TMC2: variants seen among roughly 807,000 people sequenced by gnomAD.
The protein encoded by TMC2 is transmembrane channel-like protein 2.
Under a neutral mutation model 105.9 loss-of-function variants are expected in TMC2, and 102 were observed. The observed-to-expected ratio is 0.96, with a 90% CI of 0.82 to 1.14. The LOEUF (loss-of-function observed/expected upper bound fraction) is 1.14. TMC2 is among the 50% of genes most tolerant of loss of function. TMC2 has a pLI of 0.00. For synonymous variants in TMC2, 402 were observed against 422.8 expected (o/e 0.95, Z 0.60); for missense variants, 1,093 against 1,134.3 (o/e 0.96, Z 0.52).
chr20:2,631,467 T>C (rs2086602525), intron 17 of TMC2, among the ~76,000 whole-genome samples: 1 of 152,250 alleles, frequency 6.6e-6, no homozygotes, highest in Admixed American at 6.5e-5. Context: ...AGTGATTACT[T>C]CTCTTGGTTT....
At chr20:2,609,052 G>T (rs1284534808) in intron 11 of TMC2, among the ~76,000 whole-genome samples, 2 of 152,308 alleles carry the variant, frequency 1.3e-5, no homozygotes, top group South Asian at 4.1e-4. Context: ...ACTATGGCAG[G>T]GTAGGCATCC....
At chr20:2,639,057 G>A (rs1256019335) in intron 19 of TMC2, among the ~76,000 whole-genome samples, 1 of 152,066 alleles carries the variant, frequency 6.6e-6, no homozygotes, top group African/African-American at 2.4e-5. Flanking sequence ...CACCATGCCT[G>A]GCTAATTTTT....
Position 2,595,725 on chromosome 20 carries a change from C to G in TMC2, c.1076+758C>G, listed in dbSNP as rs1199935930. Among the ~76,000 whole-genome samples, 5 of 150,436 alleles carry G rather than the reference C, an allele frequency of 3.3e-5. No individual in the cohort carries two copies. In the South Asian group the frequency reaches 8.5e-4, roughly 26 times the overall value. On this transcript the variant is annotated intron_variant, in intron 9 of 19. Transcript: ENST00000358864. ...AAACCTATCCACCTGGGCCCACTCT[C>G]CCTTCAGCACAGACATGAGGGGTCA...
intron 2 of TMC2, among the ~76,000 whole-genome samples, chr20:2,550,275 G>C (rs1301499959): frequency 6.6e-6 from 1 of 152,096 alleles, no homozygotes; most frequent in African/African-American, 2.4e-5. Flanking sequence ...CTTGAGCGTG[G>C]GAGGCAGAGG....
chr20:2,639,137 C>T lies in TMC2; in HGVS notation c.2503+1546C>T, dbSNP rs530864112. Among the ~76,000 whole-genome samples, 103 of 152,276 alleles carry T rather than the reference C, an allele frequency of 6.8e-4. 1 individual carries two copies. Among genetic ancestry groups the T allele is most frequent in the African/African-American group, 2.2e-3 (90 of 41,558 alleles). On this transcript the variant is annotated intron_variant, in intron 19 of 19. Transcript: ENST00000358864. ...TTCTTGAACTCCTGACCTCGTGATCCGCCCGCCTCGGCCTCCCAAAGTGCT... is the reference window on the plus strand; with the variant it reads ...TTCTTGAACTCCTGACCTCGTGATCTGCCCGCCTCGGCCTCCCAAAGTGCT...
chr20:2,614,174 A>T (rs975616362), intron 14 of TMC2, among the ~76,000 whole-genome samples: 3 of 152,238 alleles, frequency 2.0e-5, no homozygotes, highest in African/African-American at 7.2e-5. Flanking sequence ...AAAGAGGATG[A>T]CATCTTTGAT....
intron 4 of TMC2, among the ~76,000 whole-genome samples, chr20:2,563,719 C>A (rs915733573): frequency 1.3e-5 from 2 of 152,106 alleles, no homozygotes; most frequent in Non-Finnish European, 2.9e-5. Flanking sequence ...AGCATGTACA[C>A]CATAAATATA....
Position 2,643,396 on chromosome 20 carries a change from T to C in TMC2, c.*2045T>C, listed in dbSNP as rs1268910310. 6.6e-6 allele frequency among the ~76,000 whole-genome samples: 1 copy of C among 152,200 alleles called. No individual in the cohort carries two copies. Among genetic ancestry groups the C allele is most frequent in the East Asian group, 1.9e-4 (1 of 5,200 alleles). ...CCTGCCTGAGCCATTGGTCCCCTAG[T>C]GATTACTGTCAGGCCTCCACTGGTT... On this transcript the variant is annotated 3_prime_UTR_variant, in exon 20 of 20. Transcript: ENST00000358864.
chr20:2,626,401 G>A (rs1275838590), intron 17 of TMC2, among the ~76,000 whole-genome samples: 4 of 152,086 alleles, frequency 2.6e-5, no homozygotes, highest in Non-Finnish European at 5.9e-5. Context: ...CAAGCTGCTT[G>A]GGCTTCCTCA....
chr20:2,575,042 C>T (rs2086133858), intron 5 of TMC2, among the ~76,000 whole-genome samples: 1 of 152,052 alleles, frequency 6.6e-6, no homozygotes, highest in African/African-American at 2.4e-5. Flanking sequence ...TTTCTTATTC[C>T]TAATATTATT....
chr20:2,560,190 A>G, intron 3 of TMC2, among the ~76,000 whole-genome samples: 1 of 152,102 alleles, frequency 6.6e-6, no homozygotes, highest in East Asian at 1.9e-4. Flanking sequence ...TGAATGTCCA[A>G]CACCCCAAAC....
At chr20:2,604,807 A>G (rs921476168) in intron 11 of TMC2, among the ~76,000 whole-genome samples, 2 of 152,232 alleles carry the variant, frequency 1.3e-5, no homozygotes, top group Non-Finnish European at 2.9e-5. Context: ...CCCAAAGGGC[A>G]GAGTTTGAAG....
intron 18 of TMC2, 138 bp from the exon 19 acceptor site, chr20:2,637,336 C>T (rs6138632): frequency 8.8e-5 from 50 of 565,314 alleles, no homozygotes; most frequent in Non-Finnish European, 1.5e-4. Flanking sequence ...TGCAGTGAGC[C>T]GAGTTCACGC....
chr20:2,633,488 C>G (rs2086618869), intron 17 of TMC2, among the ~76,000 whole-genome samples: 1 of 143,704 alleles, frequency 7.0e-6, no homozygotes, highest in Non-Finnish European at 1.5e-5. Context: ...AACTGTTATG[C>G]AACACTTCTC....
rs144780040 is a variant in TMC2, at chr20:2,538,108, G to A, written c.82+792G>A. ...GAGGGCCCTGTCCTGGCCCCACTCT[G>A]GCCAGTAGGGAGCTGGCCCCAGGAG... is the stretch of plus-strand genomic sequence containing the variant. On this transcript the variant is annotated intron_variant, in intron 2 of 19. Transcript: ENST00000358864. 2.7e-3 allele frequency among the ~76,000 whole-genome samples: 404 copies of A among 152,154 alleles called. 6 individuals carry two copies. The highest frequency in any genetic ancestry group is 9.2e-3 in the African/African-American group (380 of 41,530).
chr20:2,561,769 C>T, intron 3 of TMC2, 89 bp from the exon 4 acceptor site: 5 of 1,472,546 alleles, frequency 3.4e-6, no homozygotes, highest in Non-Finnish European at 4.6e-6. Flanking sequence ...GGGGTGCCAT[C>T]TTCCATGGGC....
At chr20:2,639,469 T>C (rs1366335467) in intron 19 of TMC2, among the ~76,000 whole-genome samples, 2 of 152,258 alleles carry the variant, frequency 1.3e-5, no homozygotes, top group Admixed American at 1.3e-4. Context: ...GTACAGTAAG[T>C]GTTGTGCAGG....
chr20:2,603,086 G>C (rs534112469), intron 11 of TMC2, among the ~76,000 whole-genome samples: 3 of 152,268 alleles, frequency 2.0e-5, no homozygotes, highest in Admixed American at 6.5e-5. Context: ...TCTCTGGCTA[G>C]CCTCCTGAAT....
chr20:2,546,722 G>A (rs1379811455), intron 2 of TMC2, among the ~76,000 whole-genome samples: 3 of 152,244 alleles, frequency 2.0e-5, no homozygotes, highest in African/African-American at 7.2e-5. Flanking sequence ...GTTCTTTGTT[G>A]AAGACAAAAA....
Sources: gnomAD v4.1 joint callset for allele counts (sites outside exome capture counted in the v4.1 genomes callset) on GRCh38, gnomAD v4.1.1 for gene constraint, MANE v1.5 for transcripts, NCBI Gene and HGNC (gene_info 2026-07-23, HGNC 2026-07-21) for gene names.